ADGRA1: variants seen among roughly 807,000 people sequenced by gnomAD.
The protein encoded by ADGRA1 is G-protein coupled receptor 123.
In ADGRA1, 12 loss-of-function variants were observed where a neutral mutation model predicts 21.3. The ratio of observed to expected loss-of-function variants is 0.56; its 90% CI spans 0.36 to 0.91. The LOEUF (loss-of-function observed/expected upper bound fraction) is 0.91, where lower values mean the gene tolerates loss of function less well. Among genes scored for constraint, ADGRA1 ranks in the 40% least tolerant of loss-of-function variants. The pLI is 0.01. For missense variants in ADGRA1, 790 were observed against 805.6 expected (o/e 0.98, Z 0.23); for synonymous variants, 385 against 368.8 (o/e 1.04, Z -0.50).
At chr10:133,127,080 G>C (rs909298319) in intron 5 of ADGRA1, 153 bp from the exon 6 acceptor site, 1 of 463,720 alleles carries the variant, frequency 2.2e-6, no homozygotes, top group East Asian at 3.6e-5. Flanking sequence ...CAGTGGTCGG[G>C]GGTCGGGGGT....
intron 2 of ADGRA1, chr10:133,093,253 A>G (rs1182751814): frequency 1.9e-6 from 3 of 1,582,498 alleles, no homozygotes; most frequent in Non-Finnish European, 2.6e-6. Flanking sequence ...TCACTGCTGC[A>G]GAAAGGTTAA....
chr10:133,119,926 G>A (rs758994762), intron 5 of ADGRA1, among the ~76,000 whole-genome samples: 4 of 152,160 alleles, frequency 2.6e-5, no homozygotes, highest in Non-Finnish European at 4.4e-5. Context: ...ATTCTTAAAG[G>A]CCCTGGGATT....
Position 133,127,315 on chromosome 10 carries a change from G to A in ADGRA1, c.484G>A (p.Asp162Asn), listed in dbSNP as rs769938362. 1.3e-6 allele frequency: 2 copies of A among 1,599,310 alleles called. No homozygotes were observed. Among genetic ancestry groups the A allele is most frequent in the Admixed American group, 3.5e-5 (2 of 57,696 alleles). ...ATNIRNYGTE[D>N]EDTAYCWMAW... ...GAACATCAGGAATTACGGGACAGAGGACGAGGACACGGCGTAGTGAGTACC... is the reference window on the plus strand; with the variant it reads ...GAACATCAGGAATTACGGGACAGAGAACGAGGACACGGCGTAGTGAGTACC... The change falls in exon 6 of 7, where the codon GAC becomes AAC. Residue 162 changes from aspartate to asparagine, a missense_variant. Coordinates refer to ENST00000392607, the MANE Select transcript of ADGRA1 (RefSeq NM_001083909.3).
intron 4 of ADGRA1, chr10:133,102,128 G>A (rs1199864605): frequency 4.6e-6 from 2 of 436,616 alleles, no homozygotes; most frequent in Non-Finnish European, 9.3e-6. Flanking sequence ...ATAGCAATGA[G>A]GAACGGCGAC....
chr10:133,124,647 G>A lies in ADGRA1; in HGVS notation c.402-2586G>A, dbSNP rs73399151. Among the ~76,000 whole-genome samples the A allele has an allele frequency of 8.3e-3, 1,261 of 152,346 alleles. 25 individuals carry two copies. The highest frequency in any genetic ancestry group is 0.029 in the African/African-American group (1,193 of 41,576). ...ACGCTTGAGTGACAGATTCGTCAGC[G>A]CCCAGAGGAGGAGGACAAGCTGGAC... On this transcript the variant is annotated intron_variant, in intron 5 of 6. Coordinates refer to ENST00000392607, the MANE Select transcript of ADGRA1 (RefSeq NM_001083909.3).
chr10:133,128,451 G>A lies in ADGRA1; in HGVS notation c.623G>A (p.Arg208Lys). 1 of 1,598,440 alleles carries A rather than the reference G, an allele frequency of 6.3e-7. No individual in the cohort carries two copies. Among genetic ancestry groups the A allele is most frequent in the Non-Finnish European group, 8.5e-7 (1 of 1,173,920 alleles). Reference sequence around the variant, plus strand: ...CAGCTGCGGCGCCACCCAGGGCGCAGGTACGAGCTGCGCACACAGCCCGAG... The same window carrying A: ...CAGCTGCGGCGCCACCCAGGGCGCAAGTACGAGCTGCGCACACAGCCCGAG... The part of the protein sequence containing the change: ...YVQLRRHPGR[R>K]YELRTQPEEQ... Residue 208 changes from arginine to lysine, a missense_variant, in exon 7 of 7, where the codon AGG (arginine) becomes AAG (lysine). By Grantham distance (26) the Arg-to-Lys change is conservative. This residue lies in a region of ADGRA1 where 382 missense variants were observed against 415.6 expected (regional missense o/e 0.92). Coordinates refer to ENST00000392607, the MANE Select transcript of ADGRA1 (RefSeq NM_001083909.3).
chr10:133,111,408 A>C (rs112891758), intron 5 of ADGRA1, among the ~76,000 whole-genome samples: 8 of 20,404 alleles, frequency 3.9e-4, no homozygotes, highest in Admixed American at 9.6e-4. Flanking sequence ...TCCTAATCCC[A>C]CCAGACAACC....
chr10:133,111,174 C>T lies in ADGRA1; in HGVS notation c.401+8332C>T, dbSNP rs1210446549. Among the ~76,000 whole-genome samples the T allele has an allele frequency of 1.5e-4, 8 of 52,154 alleles. 1 individual carries two copies. The South Asian group carries it at 3.6e-3, about 24-fold the overall frequency. The allele number at this position is 52,154 out of a possible 152,430, so 34.2% of individuals were successfully genotyped here. Reference sequence around the variant, plus strand: ...TAATCCCACCAGACCACCTGCCCGCCGTGAGCACCTCCCTCCTAATCCCTC... The same window carrying T: ...TAATCCCACCAGACCACCTGCCCGCTGTGAGCACCTCCCTCCTAATCCCTC... On this transcript the variant is annotated intron_variant, in intron 5 of 6. Coordinates refer to ENST00000392607, the MANE Select transcript of ADGRA1 (RefSeq NM_001083909.3).
chr10:133,090,993 G>A (rs1851588259), intron 2 of ADGRA1, among the ~76,000 whole-genome samples: 1 of 152,202 alleles, frequency 6.6e-6, no homozygotes, highest in South Asian at 2.1e-4. Context: ...TTAAAGCTGG[G>A]GCACCTCCTT....
At chr10:133,099,586 T>C (rs1390950499) in intron 4 of ADGRA1, among the ~76,000 whole-genome samples, 2 of 152,144 alleles carry the variant, frequency 1.3e-5, no homozygotes, top group African/African-American at 4.8e-5. Context: ...CACACTCAGT[T>C]CCTGGCAGAG....
Position 133,128,932 on chromosome 10 carries a change from G to C in ADGRA1, c.1104G>C (p.Gln368His), listed in dbSNP as rs555148217. 24 of 1,552,716 alleles carry C rather than the reference G, an allele frequency of 1.5e-5. No individual in the cohort carries two copies. In the East Asian group the frequency reaches 5.6e-4, roughly 36 times the overall value. The change falls in exon 7 of 7, where the codon CAG becomes CAC. Residue 368 changes from glutamine (Q) to histidine (H), a missense_variant. This residue lies in a region of ADGRA1 where 391 missense variants were observed against 351.5 expected (regional missense o/e 1.11). Coordinates refer to ENST00000392607, the MANE Select transcript of ADGRA1 (RefSeq NM_001083909.3). ...GCCCCTGCAAGATGACCAACCTGCAGGCCGCGCAGGGCCACGCCAGTTGCC... is the reference window on the plus strand; with the variant it reads ...GCCCCTGCAAGATGACCAACCTGCACGCCGCGCAGGGCCACGCCAGTTGCC... ...PPGPCKMTNL[Q>H]AAQGHASCLS... is the part of the protein sequence containing the mutation.
intron 6 of ADGRA1, 81 bp downstream of exon 6, chr10:133,127,412 G>A: frequency 3.7e-6 from 4 of 1,086,436 alleles, no homozygotes; most frequent in South Asian, 1.4e-5. Flanking sequence ...ACCTGTGGTG[G>A]GGAAGCCCAG....
chr10:133,103,675 A>G (rs1370821924), intron 5 of ADGRA1, among the ~76,000 whole-genome samples: 1 of 152,168 alleles, frequency 6.6e-6, no homozygotes, highest in Non-Finnish European at 1.5e-5. Context: ...AGGTGGCAGG[A>G]GCTCCTCTGC....
Position 133,128,612 on chromosome 10 carries a change from A to C in ADGRA1, c.784A>C (p.Thr262Pro). The change falls in exon 7 of 7, where the codon ACG becomes CCG. Residue 262 changes from threonine (T) to proline (P), a missense_variant. This residue lies in a region of ADGRA1 where 382 missense variants were observed against 415.6 expected (regional missense o/e 0.92). Transcript: ENST00000392607. ...FQAQLRAAAF[T>P]LFLFTATWAF... is the part of the protein sequence containing the mutation. ...GGCACAGCTGCGCGCCGCCGCCTTC[A>C]CGCTGTTCCTGTTCACGGCCACGTG... 6.2e-7 allele frequency: 1 copy of C among 1,603,984 alleles called. No individual in the cohort carries two copies. The highest frequency in any genetic ancestry group is 8.5e-7 in the Non-Finnish European group (1 of 1,177,222).
chr10:133,100,110 G>A (rs1851763760), intron 4 of ADGRA1, among the ~76,000 whole-genome samples: 2 of 152,240 alleles, frequency 1.3e-5, no homozygotes, highest in Admixed American at 1.3e-4. Context: ...GGCACGCAGA[G>A]GAGACGTCAT....
intron 5 of ADGRA1, among the ~76,000 whole-genome samples, chr10:133,122,530 T>G (rs1852290874): frequency 1.3e-5 from 2 of 152,250 alleles, no homozygotes; most frequent in African/African-American, 4.8e-5. Context: ...CAGGCCTGTT[T>G]CTTGTCTCTT....
intron 5 of ADGRA1, among the ~76,000 whole-genome samples, chr10:133,103,766 G>A (rs1347459964): frequency 6.6e-6 from 1 of 152,238 alleles, no homozygotes; most frequent in Non-Finnish European, 1.5e-5. Flanking sequence ...CCAGGCCGGA[G>A]CTCGCCAGGG....
At chr10:133,116,492 G>A (rs1852162558) in intron 5 of ADGRA1, among the ~76,000 whole-genome samples, 1 of 151,028 alleles carries the variant, frequency 6.6e-6, no homozygotes, top group Non-Finnish European at 1.5e-5. Flanking sequence ...CCTGTCTGGG[G>A]GGCGTCCCTG....
At position 133,088,758 on chromosome 10, in the gene ADGRA1, C is replaced by T; in HGVS notation, c.-152C>T. The T allele has an allele frequency of 8.1e-7, 1 of 1,231,280 alleles. No individual in the cohort carries two copies. The highest frequency in any genetic ancestry group is 1.0e-6 in the Non-Finnish European group (1 of 987,674). The allele number at this position is 1,231,280 out of a possible 1,614,324, so 76.3% of individuals were successfully genotyped here. On this transcript the variant is annotated 5_prime_UTR_variant, in exon 2 of 7. Transcript: ENST00000392607. Reference sequence around the variant, plus strand: ...CGCCCCGCCGCGGTCACCCTGAGGCCAGGGGCCCGGGAGCGCGACCTCCTG... The same window carrying T: ...CGCCCCGCCGCGGTCACCCTGAGGCTAGGGGCCCGGGAGCGCGACCTCCTG...
Sources: allele counts gnomAD v4.1 joint callset (sites outside exome capture counted in the v4.1 genomes callset), GRCh38; gene constraint gnomAD v4.1.1; regional missense constraint gnomAD v4.1.1; transcripts MANE v1.5; gene names NCBI Gene and HGNC (gene_info 2026-07-23, HGNC 2026-07-21).